Variants in PARN observed in about 807,000 individuals in gnomAD.
PARN encodes poly(A)-specific ribonuclease.
In PARN, 71 loss-of-function variants were observed where a neutral mutation model predicts 102.8. The observed-to-expected ratio is 0.69, with a 90% CI of 0.57 to 0.84. PARN has a LOEUF of 0.84. Ranked by LOEUF, PARN falls within the 40% of genes least tolerant of loss-of-function variation. The probability of loss-of-function intolerance (pLI) is 0.00; values close to 1 mark genes in which losing one functional copy is unlikely to be tolerated. For synonymous variants in PARN, 261 were observed against 252.9 expected (o/e 1.03, Z -0.30); for missense variants, 782 against 760.9 (o/e 1.03, Z -0.33).
chr16:14,475,772 G>A (rs1377576951), intron 22 of PARN, among the ~76,000 whole-genome samples: 2 of 152,140 alleles, frequency 1.3e-5, no homozygotes, highest in Admixed American at 1.3e-4. Context: ...AATCTTAATC[G>A]TACCTTTCTA....
At chr16:14,580,998 G>A in intron 17 of PARN, 55 bp from the exon 18 acceptor site, 3 of 1,051,012 alleles carry the variant, frequency 2.9e-6, no homozygotes, top group Non-Finnish European at 4.4e-6. Flanking sequence ...GACCAAGCCT[G>A]AAAGTTCAGA....
At chr16:14,555,441 C>A (rs1967623630) in intron 19 of PARN, among the ~76,000 whole-genome samples, 1 of 152,144 alleles carries the variant, frequency 6.6e-6, no homozygotes, top group Non-Finnish European at 1.5e-5. Flanking sequence ...TTCTAAAATT[C>A]ATTTCATGCA....
At chr16:14,573,036 G>A (rs984367507) in intron 18 of PARN, among the ~76,000 whole-genome samples, 5 of 151,734 alleles carry the variant, frequency 3.3e-5, no homozygotes, top group African/African-American at 1.2e-4. Flanking sequence ...CTACAGGCAT[G>A]TGCCACCATT....
At chr16:14,597,480 A>G (rs910409591) in intron 12 of PARN, among the ~76,000 whole-genome samples, 7 of 152,004 alleles carry the variant, frequency 4.6e-5, no homozygotes, top group African/African-American at 1.4e-4. Context: ...GCGGATCACG[A>G]GGTCAGGAGA....
intron 22 of PARN, among the ~76,000 whole-genome samples, chr16:14,471,236 T>C (rs1358448441): frequency 1.3e-5 from 2 of 152,172 alleles, no homozygotes; most frequent in African/African-American, 4.8e-5. Context: ...TTACAGCCCA[T>C]ACAACAGGTG....
chr16:14,550,635 C>A (rs186620121), intron 21 of PARN, among the ~76,000 whole-genome samples: 17 of 152,282 alleles, frequency 1.1e-4, no homozygotes, highest in African/African-American at 4.1e-4. Flanking sequence ...TGCCAAAATA[C>A]TGTGATCTGA....
chr16:14,500,603 G>GA (rs1174908958), intron 21 of PARN, among the ~76,000 whole-genome samples: 1 of 151,876 alleles, frequency 6.6e-6, no homozygotes, highest in African/African-American at 2.4e-5. Flanking sequence ...TCTTTCCCTA[G>GA]AAAAAAATAT....
Position 14,463,828 on chromosome 16 carries a change from CT to C in PARN, c.1671-16748del, listed in dbSNP as rs201917088. 2.4e-3 allele frequency among the ~76,000 whole-genome samples: 299 copies of C among 124,398 alleles called. 3 individuals are homozygous for C. The highest frequency in any genetic ancestry group is 8.1e-3 in the African/African-American group (273 of 33,822). The allele number at this position is 124,398 out of a possible 152,430, so 81.6% of individuals were successfully genotyped here. A position where few individuals can be genotyped will look rare whatever the true frequency, so the allele number is the denominator to read the frequency against. On this transcript the variant is annotated intron_variant, in intron 22 of 23. Coordinates refer to ENST00000437198, the MANE Select transcript of PARN (RefSeq NM_002582.4). ...AAATAATGGTTGAAAAAAGTCCAAA[CT>C]TTTTTTTTTGGGGGGGGGGGGACGA...
intron 12 of PARN, 98 bp downstream of exon 12, chr16:14,599,806 T>C (rs1970765192): frequency 2.7e-6 from 2 of 744,312 alleles, no homozygotes; most frequent in South Asian, 1.9e-5. Flanking sequence ...TAGGTAAACA[T>C]TCTAAAGGAG....
chr16:14,589,989 A>G lies in PARN; in HGVS notation c.918+3312T>C, dbSNP rs541698036. On this transcript the variant is annotated intron_variant, in intron 13 of 23. Transcript: ENST00000437198. Reference sequence around the variant, plus strand: ...ATCCAGGCCAAGCCCGGTGGCTCACACCTGTAATCCCAGTACTTTGGGAGG... The same window carrying G: ...ATCCAGGCCAAGCCCGGTGGCTCACGCCTGTAATCCCAGTACTTTGGGAGG... Among the ~76,000 whole-genome samples the G allele has an allele frequency of 3.3e-5, 5 of 151,590 alleles. No homozygotes were observed. The East Asian group carries it at 5.9e-4, about 18-fold the overall frequency.
intron 5 of PARN, among the ~76,000 whole-genome samples, chr16:14,618,675 T>A (rs79051661): frequency 1.4e-3 from 201 of 144,846 alleles, no homozygotes; most frequent in African/African-American, 4.3e-3. Context: ...AAAAAAAAAA[T>A]ATTCCACTGG....
intron 18 of PARN, among the ~76,000 whole-genome samples, chr16:14,575,000 C>A (rs1399606526): frequency 6.6e-6 from 1 of 152,204 alleles, no homozygotes; most frequent in African/African-American, 2.4e-5. Context: ...GCCTTGGCAA[C>A]TTCCATGCAG....
At chr16:14,481,478 T>C (rs1041738403) in intron 22 of PARN, among the ~76,000 whole-genome samples, 2 of 152,200 alleles carry the variant, frequency 1.3e-5, no homozygotes, top group Non-Finnish European at 2.9e-5. Context: ...TAGTGGGAAT[T>C]TGGGATTGTT....
chr16:14,497,372 G>A (rs1396702814), intron 21 of PARN, among the ~76,000 whole-genome samples: 1 of 152,182 alleles, frequency 6.6e-6, no homozygotes, highest in Non-Finnish European at 1.5e-5. Context: ...GCGTGTAACT[G>A]AAGCACTGGC....
In PARN at chr16:14,594,472, T is replaced by G. The variant is rs193176857; in HGVS notation, c.841-1094A>C. ...CTCACACCTGTTAATCCCAGCACTT[T>G]GAGAGGCCAAGGCAGGCGGATCACC... On this transcript the variant is annotated intron_variant, in intron 12 of 23. Transcript: ENST00000437198. Among the ~76,000 whole-genome samples, 7 of 152,296 alleles carry G rather than the reference T, an allele frequency of 4.6e-5. No individual in the cohort carries two copies. In the East Asian group the frequency reaches 1.3e-3, roughly 29 times the overall value.
intron 22 of PARN, among the ~76,000 whole-genome samples, chr16:14,460,090 T>C (rs1052891592): frequency 6.6e-6 from 1 of 152,142 alleles, no homozygotes; most frequent in Non-Finnish European, 1.5e-5. Flanking sequence ...CTCATGTAGA[T>C]ATAAGAAGCG....
chr16:14,529,005 C>A (rs1966167755), intron 21 of PARN, among the ~76,000 whole-genome samples: 2 of 152,140 alleles, frequency 1.3e-5, no homozygotes, highest in African/African-American at 2.4e-5. Context: ...AGTCATAATT[C>A]TTTAACTGTT....
chr16:14,541,074 T>C (rs1311929494), intron 21 of PARN, among the ~76,000 whole-genome samples: 1 of 151,724 alleles, frequency 6.6e-6, no homozygotes, highest in Non-Finnish European at 1.5e-5. Flanking sequence ...GTGGATCGCT[T>C]GATCTCAGGG....
intron 7 of PARN, among the ~76,000 whole-genome samples, chr16:14,610,002 A>G (rs886717993): frequency 2.0e-5 from 3 of 152,194 alleles, no homozygotes; most frequent in Non-Finnish European, 4.4e-5. Flanking sequence ...CCTTGAGCTC[A>G]GGAGTTTGAC....
Sources: allele counts gnomAD v4.1 joint callset (sites outside exome capture counted in the v4.1 genomes callset), GRCh38; gene constraint gnomAD v4.1.1; transcripts MANE v1.5; gene names NCBI Gene and HGNC (gene_info 2026-07-23, HGNC 2026-07-21).